PCDHGA1: variants seen among roughly 807,000 people sequenced by gnomAD.
PCDHGA1 encodes the protein protocadherin gamma subfamily A, 1, also known as protocadherin gamma-A1.
Under a neutral mutation model 58.0 loss-of-function variants are expected in PCDHGA1, and 32 were observed. The observed-to-expected ratio is 0.55, with a 90% CI of 0.42 to 0.74. The LOEUF (loss-of-function observed/expected upper bound fraction) is 0.74. Ranked by LOEUF, PCDHGA1 falls within the 30% of genes least tolerant of loss-of-function variation. The pLI, the probability that PCDHGA1 is intolerant of heterozygous loss-of-function variation, is 0.00. For synonymous variants in PCDHGA1, 498 were observed against 501.1 expected (o/e 0.99, Z 0.08); for missense variants, 1,205 against 1,182.3 (o/e 1.02, Z -0.28).
chr5:141,430,881 A>G, intron 1 of PCDHGA1: 4 of 1,600,896 alleles, frequency 2.5e-6, no homozygotes, highest in Non-Finnish European at 3.4e-6. Flanking sequence ...GAGCTGGAGA[A>G]AGGCTCTAGG....
intron 1 of PCDHGA1, chr5:141,370,692 T>G: frequency 6.2e-7 from 1 of 1,613,730 alleles, no homozygotes; most frequent in Non-Finnish European, 8.5e-7. Context: ...TGGCAAGAAG[T>G]CGACGTGTGT....
intron 1 of PCDHGA1, among the ~76,000 whole-genome samples, chr5:141,358,690 T>A (rs1760993799): frequency 6.6e-6 from 1 of 152,206 alleles, no homozygotes; most frequent in South Asian, 2.1e-4. Context: ...TATCATGACA[T>A]CACTATTGAG....
In PCDHGA1 at chr5:141,491,721, C is replaced by T. The variant is rs761584159; in HGVS notation, c.2422-3086C>T. On this transcript the variant is annotated intron_variant, in intron 1 of 3. Transcript: ENST00000517417. The surrounding 1 kb of genome is among the most constrained non-coding windows in gnomAD (Gnocchi z 6.9). The stretch of plus-strand genomic sequence containing the variant: ...GCCAGGTGAGGGGCTCGGCGCCGCC[C>T]CGGGCGACCCCTGGGGGCGGCACTG... 3 of 1,607,250 alleles carry T rather than the reference C, an allele frequency of 1.9e-6. No homozygotes were observed. Among genetic ancestry groups the T allele is most frequent in the Admixed American group, 1.7e-5 (1 of 58,860 alleles).
At chr5:141,374,154 G>T (rs376984494) in intron 1 of PCDHGA1, 4 of 1,611,790 alleles carry the variant, frequency 2.5e-6, no homozygotes, top group Non-Finnish European at 3.4e-6. Flanking sequence ...GGGACGCTGT[G>T]GGGGGCCGCG....
intron 1 of PCDHGA1, chr5:141,388,359 G>T: frequency 6.2e-7 from 1 of 1,614,026 alleles, no homozygotes; most frequent in South Asian, 1.1e-5. Flanking sequence ...ATCTGCCCAT[G>T]ATGCGGATAT....
At chr5:141,389,519 C>T in intron 1 of PCDHGA1, 1 of 1,613,156 alleles carries the variant, frequency 6.2e-7, no homozygotes, top group South Asian at 1.1e-5. Context: ...CGAACGTGAG[C>T]CTGCGCGTGT....
At chr5:141,502,961 A>G (rs886622146) in intron 2 of PCDHGA1, among the ~76,000 whole-genome samples, 3 of 146,786 alleles carry the variant, frequency 2.0e-5, no homozygotes, top group Non-Finnish European at 4.4e-5. Context: ...CTCCTGCCTC[A>G]GCCTCCCAAG....
rs994878374 is a variant in PCDHGA1, at chr5:141,491,785, C to T, written c.2422-3022C>T. ...TCCTCATAAGGGATTGAACTTGCAT[C>T]CACTCCTCTCCGGCCGGCTTGGTCG... is the stretch of plus-strand genomic sequence containing the variant. On this transcript the variant is annotated intron_variant, in intron 1 of 3. Transcript: ENST00000517417. The surrounding 1 kb of genome is among the most constrained non-coding windows in gnomAD (Gnocchi z 6.9). 20 of 1,529,458 alleles carry T rather than the reference C, an allele frequency of 1.3e-5. No individual in the cohort carries two copies. Among genetic ancestry groups the T allele is most frequent in the Non-Finnish European group, 1.8e-5 (20 of 1,139,198 alleles). The allele number at this position is 1,529,458 out of a possible 1,614,324, so 94.7% of individuals were successfully genotyped here. A position where few individuals can be genotyped will look rare whatever the true frequency, so the allele number is the denominator to read the frequency against.
intron 1 of PCDHGA1, chr5:141,414,054 G>T: frequency 6.2e-7 from 1 of 1,610,250 alleles, no homozygotes; most frequent in South Asian, 1.1e-5. Context: ...ACACGCAATT[G>T]TTGAAGTTCC....
chr5:141,368,944 T>G (rs1765945640), intron 1 of PCDHGA1, among the ~76,000 whole-genome samples: 5 of 152,236 alleles, frequency 3.3e-5, no homozygotes, highest in Admixed American at 3.3e-4. Context: ...TTCTGGTTAC[T>G]GTGAGTAGTT....
chr5:141,441,656 C>A, intron 1 of PCDHGA1: 1 of 247,684 alleles, frequency 4.0e-6, no homozygotes, highest in Non-Finnish European at 8.1e-6. Flanking sequence ...TCTAGGTGTC[C>A]TTGAGCGCAC....
rs144113016 is a variant in PCDHGA1 at position 141,428,135 on chromosome 5, G to T, written c.2422-66672G>T. On this transcript the variant is annotated intron_variant, in intron 1 of 3. Coordinates refer to ENST00000517417, the MANE Select transcript of PCDHGA1 (RefSeq NM_018912.3). Reference sequence around the variant, plus strand: ...CCATCGAGCCCGGGCTTTTCAGCCTGGGGCTGCACACGGGAACCTGCTGGT... The same window carrying T: ...CCATCGAGCCCGGGCTTTTCAGCCTTGGGCTGCACACGGGAACCTGCTGGT... 347 of 1,601,046 alleles carry T rather than the reference G, an allele frequency of 2.2e-4. No homozygotes were observed. The African/African-American group carries it at 3.9e-3, about 18-fold the overall frequency.
intron 1 of PCDHGA1, chr5:141,399,349 C>G: frequency 6.2e-7 from 1 of 1,613,932 alleles, no homozygotes; most frequent in Non-Finnish European, 8.5e-7. Context: ...AACCCTAGAC[C>G]GAGAGCAAAC....
At chr5:141,429,647 T>C (rs1430094173) in intron 1 of PCDHGA1, among the ~76,000 whole-genome samples, 2 of 152,272 alleles carry the variant, frequency 1.3e-5, no homozygotes, top group African/African-American at 4.8e-5. Flanking sequence ...TATATATTTC[T>C]TCCCAATTTA....
chr5:141,354,988 A>G (rs1434230947), intron 1 of PCDHGA1: 4 of 629,658 alleles, frequency 6.4e-6, no homozygotes, highest in Non-Finnish European at 9.8e-6. Flanking sequence ...CTGTTCACCA[A>G]TCAGGGGGAA....
chr5:141,384,649 C>T lies in PCDHGA1; in HGVS notation c.2421+51544C>T, dbSNP rs778822731. ...GGAGCTGGCACCCCGCTCCGCAGAGCCCGGCTACCTGGTGACCAAGGTGGT... is the reference window on the plus strand; with the variant it reads ...GGAGCTGGCACCCCGCTCCGCAGAGTCCGGCTACCTGGTGACCAAGGTGGT... On this transcript the variant is annotated intron_variant, in intron 1 of 3. Transcript: ENST00000517417. The T allele has an allele frequency of 3.7e-5, 60 of 1,614,114 alleles. No homozygotes were observed. The Middle Eastern group carries it at 4.9e-4, about 13-fold the overall frequency.
chr5:141,489,804 G>A lies in PCDHGA1; in HGVS notation c.2422-5003G>A, dbSNP rs2099692572. 1 of 1,614,056 alleles carries A rather than the reference G, an allele frequency of 6.2e-7. No homozygotes were observed. The highest frequency in any genetic ancestry group is 1.3e-5 in the African/African-American group (1 of 74,932). ...TGAATGTGAAGACCCTAAAAGATGG[G>A]AAGCCATTCCCAGAGCTGGTGCTAG... On this transcript the variant is annotated intron_variant, in intron 1 of 3. Transcript: ENST00000517417. The surrounding 1 kb of genome is among the most constrained non-coding windows in gnomAD (Gnocchi z 4.5).
At chr5:141,405,277 T>C (rs770051288) in intron 1 of PCDHGA1, 5 of 1,614,196 alleles carry the variant, frequency 3.1e-6, no homozygotes, top group Non-Finnish European at 4.2e-6. Context: ...AGCCCAACTA[T>C]GCAGACACAC....
intron 1 of PCDHGA1, among the ~76,000 whole-genome samples, chr5:141,456,859 A>C (rs2098893194): frequency 6.6e-6 from 1 of 152,152 alleles, no homozygotes; most frequent in Admixed American, 6.6e-5. Context: ...GCTAATTGGG[A>C]GGCTGAGGCA....
Sources: allele counts gnomAD v4.1 joint callset (sites outside exome capture counted in the v4.1 genomes callset), GRCh38; gene constraint gnomAD v4.1.1; non-coding constraint Gnocchi (gnomAD v3.1); transcripts MANE v1.5; gene names NCBI Gene and HGNC (gene_info 2026-07-23, HGNC 2026-07-21).